The following ITGA9 variants were observed in gnomAD, a reference collection of about 807,000 sequenced individuals.
ITGA9 encodes the protein integrin alpha-9.
A neutral mutation model predicts 127.8 loss-of-function variants in ITGA9; 56 were observed. The observed-to-expected ratio is 0.44, with a 90% CI of 0.35 to 0.55. ITGA9 has a LOEUF of 0.55. ITGA9 is among the 20% of genes least tolerant of loss of function. The pLI is 0.00. For missense variants in ITGA9, 1,196 were observed against 1,347.1 expected (o/e 0.89, Z 1.76); for synonymous variants, 508 against 514.5 (o/e 0.99, Z 0.17).
At chr3:37,812,480 C>A (rs547890530) in intron 27 of ITGA9, among the ~76,000 whole-genome samples, 48 of 152,342 alleles carry the variant, frequency 3.2e-4, no homozygotes, top group African/African-American at 1.1e-3. Context: ...AGGGTGGATA[C>A]CCCAGAACTC....
intron 18 of ITGA9, among the ~76,000 whole-genome samples, chr3:37,719,468 G>A (rs1376379108): frequency 6.6e-6 from 1 of 152,152 alleles, no homozygotes; most frequent in East Asian, 1.9e-4. Flanking sequence ...CCTGGCCTCT[G>A]TTCTCAGTCC....
At chr3:37,600,434 A>G (rs1184996404) in intron 15 of ITGA9, among the ~76,000 whole-genome samples, 1 of 152,138 alleles carries the variant, frequency 6.6e-6, no homozygotes, top group Non-Finnish European at 1.5e-5. Flanking sequence ...CACTCGAGCC[A>G]AGGTGGCCTC....
intron 18 of ITGA9, among the ~76,000 whole-genome samples, chr3:37,718,190 CAG>C (rs1428941616): frequency 2.0e-5 from 3 of 152,350 alleles, no homozygotes; most frequent in Non-Finnish European, 4.4e-5. Context: ...TAAGATGTAA[CAG>C]AAAACATACG....
In ITGA9 at chr3:37,629,855, A is replaced by G. The variant is rs1700212748; in HGVS notation, c.1839+519A>G. Among the ~76,000 whole-genome samples the G allele has an allele frequency of 6.6e-6, 1 of 152,096 alleles. No homozygotes were observed. The highest frequency in any genetic ancestry group is 1.5e-5 in the Non-Finnish European group (1 of 68,024). The stretch of plus-strand genomic sequence containing the variant: ...TCTGGGATGTGCGGCTGTGTAGAGA[A>G]GCTTTAGTGCGATGGGTGTATCACT... On this transcript the variant is annotated intron_variant, in intron 16 of 27. Transcript: ENST00000264741. This position sits in a 1 kb window ranked among gnomAD's most constrained non-coding sequence, Gnocchi z 4.5.
At chr3:37,464,658 T>C (rs1371196662) in intron 1 of ITGA9, among the ~76,000 whole-genome samples, 2 of 152,204 alleles carry the variant, frequency 1.3e-5, no homozygotes, top group Non-Finnish European at 1.5e-5. Flanking sequence ...TTCTTACACT[T>C]TATCACCATG....
intron 27 of ITGA9, among the ~76,000 whole-genome samples, chr3:37,805,075 T>A (rs2125562986): frequency 6.6e-6 from 1 of 152,204 alleles, no homozygotes; most frequent in East Asian, 1.9e-4. Context: ...TCCTTTTTTT[T>A]TTTAAGTATG....
intron 4 of ITGA9, among the ~76,000 whole-genome samples, chr3:37,489,412 C>A (rs533163634): frequency 9.7e-4 from 148 of 152,180 alleles, no homozygotes; most frequent in Non-Finnish European, 2.0e-3. Flanking sequence ...AAAAATATTC[C>A]ATTTGTAAAT....
At chr3:37,657,588 A>G (rs1478850250) in intron 17 of ITGA9, among the ~76,000 whole-genome samples, 1 of 145,850 alleles carries the variant, frequency 6.9e-6, no homozygotes, top group Non-Finnish European at 1.5e-5. Flanking sequence ...TTTCTTCTTT[A>G]TTAGTGTGGC....
intron 16 of ITGA9, among the ~76,000 whole-genome samples, chr3:37,633,067 A>G (rs1175386832): frequency 6.6e-6 from 1 of 152,226 alleles, no homozygotes; most frequent in Admixed American, 6.5e-5. Flanking sequence ...TCTAATGACA[A>G]GAAATCCCAG....
At chr3:37,709,457 C>G (rs1057353505) in intron 18 of ITGA9, among the ~76,000 whole-genome samples, 2 of 152,200 alleles carry the variant, frequency 1.3e-5, no homozygotes, top group Admixed American at 1.3e-4. Flanking sequence ...GTTTTTCTTT[C>G]AAAACTTCTG....
chr3:37,453,806 T>G (rs1192016997), intron 1 of ITGA9, among the ~76,000 whole-genome samples: 1 of 152,118 alleles, frequency 6.6e-6, no homozygotes, highest in Non-Finnish European at 1.5e-5. Context: ...AAGGGGACTC[T>G]GAGACCAGCC....
chr3:37,608,348 A>C (rs1049800580), intron 15 of ITGA9, among the ~76,000 whole-genome samples: 2 of 152,264 alleles, frequency 1.3e-5, no homozygotes, highest in African/African-American at 4.8e-5. Flanking sequence ...CATAAAATTC[A>C]GCTATTTCTA....
chr3:37,796,904 T>A (rs2125559473), intron 26 of ITGA9, among the ~76,000 whole-genome samples: 1 of 152,268 alleles, frequency 6.6e-6, no homozygotes, highest in South Asian at 2.1e-4. Context: ...TATCATTACC[T>A]TAAAGAGTGA....
At chr3:37,727,387 T>TA (rs1313026816) in intron 18 of ITGA9, among the ~76,000 whole-genome samples, 2 of 152,228 alleles carry the variant, frequency 1.3e-5, no homozygotes, top group African/African-American at 2.4e-5. Flanking sequence ...AAAGGCCAGT[T>TA]ATGTGAATCC....
At chr3:37,512,120 C>CCTTCTTTCTTTTCTTTTCTTTTCT (rs1698929069) in intron 8 of ITGA9, among the ~76,000 whole-genome samples, 1 of 39,448 alleles carries the variant, frequency 2.5e-5, no homozygotes, top group Non-Finnish European at 4.7e-5. Flanking sequence ...TTCCTTCCTT[C>CCTTCTTTCTTTTCTTTTCTTTTCT]TTTCTTTTCT....
rs1278911798 is a variant in ITGA9 at position 37,777,514 on chromosome 3, C to G, written c.2664C>G (p.Val888=). The part of the protein sequence containing the change: ...FAFFTKSGRK[V]LDCEKPGISC... ...TTTTCACAAAGTCTGGAAGAAAAGT[C>G]TTGGTAAGGATTTGTTTAGTGGTTG... Residue 888 remains valine (V), a synonymous_variant, in exon 24 of 28, where the codon GTC becomes GTG. Transcript: ENST00000264741. 1 of 1,614,094 alleles carries G rather than the reference C, an allele frequency of 6.2e-7. No homozygotes were observed. Among genetic ancestry groups the G allele is most frequent in the South Asian group, 1.1e-5 (1 of 91,072 alleles).
intron 1 of ITGA9, among the ~76,000 whole-genome samples, chr3:37,470,612 C>T (rs1387128292): frequency 6.6e-6 from 1 of 152,106 alleles, no homozygotes; most frequent in Non-Finnish European, 1.5e-5. Context: ...TGTACGTGTT[C>T]CCACCCATCC....
At chr3:37,696,815 G>A (rs370714684) in intron 18 of ITGA9, among the ~76,000 whole-genome samples, 2 of 152,152 alleles carry the variant, frequency 1.3e-5, no homozygotes, top group Admixed American at 6.5e-5. Flanking sequence ...ATTTGGAAGT[G>A]TAATCATGTC....
At chr3:37,775,333 A>T (rs1696893314) in intron 23 of ITGA9, among the ~76,000 whole-genome samples, 1 of 152,200 alleles carries the variant, frequency 6.6e-6, no homozygotes, top group Non-Finnish European at 1.5e-5. Flanking sequence ...CATACCAGTC[A>T]GAATGGCTAT....
Sources: allele counts gnomAD v4.1 joint callset (sites outside exome capture counted in the v4.1 genomes callset), GRCh38; gene constraint gnomAD v4.1.1; non-coding constraint Gnocchi (gnomAD v3.1); transcripts MANE v1.5; gene names NCBI Gene and HGNC (gene_info 2026-07-23, HGNC 2026-07-21).